RPSA2: variants seen among roughly 807,000 people sequenced by gnomAD.
The protein encoded by RPSA2 is small ribosomal subunit protein uS2B.
chr19:23,838,197 T>G, the RPSA2 span, among the ~76,000 whole-genome samples: 4 of 152,344 alleles, frequency 2.6e-5, no homozygotes, highest in Admixed American at 2.6e-4. Context: ...TCTATTGAGA[T>G]GATCATGTGA....
chr19:23,841,112 T>C, the RPSA2 span, among the ~76,000 whole-genome samples: 1 of 152,166 alleles, frequency 6.6e-6, no homozygotes, highest in Non-Finnish European at 1.5e-5. Flanking sequence ...CATCCTCCAA[T>C]ATGTATCAGC....
At chr19:23,761,768 A>T in the RPSA2 span, among the ~76,000 whole-genome samples, 1 of 151,886 alleles carries the variant, frequency 6.6e-6, no homozygotes, top group African/African-American at 2.4e-5. Context: ...CGTTAGTGAG[A>T]GTAATCCAGT....
chr19:23,806,740 G>C, the RPSA2 span, among the ~76,000 whole-genome samples: 144,687 of 147,828 alleles, frequency 0.98, 70,881 homozygotes, highest in Middle Eastern at 1. Flanking sequence ...AGCCAAGATC[G>C]CACCATTGCA....
chr19:23,856,859 G>A, the RPSA2 span, among the ~76,000 whole-genome samples: 29 of 152,110 alleles, frequency 1.9e-4, no homozygotes, highest in Non-Finnish European at 2.8e-4. Context: ...CAAAGATCAC[G>A]TGCTTCAAAG....
the RPSA2 span, among the ~76,000 whole-genome samples, chr19:23,844,034 C>G: frequency 6.6e-6 from 1 of 152,172 alleles, no homozygotes; most frequent in Non-Finnish European, 1.5e-5. Context: ...GCTGGAATTA[C>G]AGGTGTGAAC....
the RPSA2 span, among the ~76,000 whole-genome samples, chr19:23,771,239 G>A: frequency 1.3e-5 from 2 of 152,172 alleles, no homozygotes; most frequent in African/African-American, 4.8e-5. Context: ...CTCATACCCA[G>A]CTGCAGTCAA....
the RPSA2 span, among the ~76,000 whole-genome samples, chr19:23,861,301 A>C: frequency 6.6e-6 from 1 of 152,220 alleles, no homozygotes; most frequent in Admixed American, 6.5e-5. Context: ...AATCTCTTCA[A>C]AAGTAGGTTT....
At chr19:23,865,175 A>G in the RPSA2 span, among the ~76,000 whole-genome samples, 1 of 152,188 alleles carries the variant, frequency 6.6e-6, no homozygotes, top group African/African-American at 2.4e-5. Context: ...CAGTGGATAT[A>G]AGGTCAGTGC....
At chr19:23,811,288 A>T in the RPSA2 span, among the ~76,000 whole-genome samples, 7 of 152,094 alleles carry the variant, frequency 4.6e-5, no homozygotes, top group Admixed American at 3.3e-4. Flanking sequence ...AATTGTTGGG[A>T]TTACAGGTGT....
At chr19:23,868,043 AT>A in the RPSA2 span, among the ~76,000 whole-genome samples, 5 of 152,138 alleles carry the variant, frequency 3.3e-5, no homozygotes, top group Non-Finnish European at 5.9e-5. Flanking sequence ...AGTTCCCGGA[AT>A]TCACCGATGT....
the RPSA2 span, among the ~76,000 whole-genome samples, chr19:23,801,049 G>A: frequency 9.9e-4 from 151 of 152,290 alleles, no homozygotes; most frequent in African/African-American, 3.2e-3. Flanking sequence ...GCATTGAGTA[G>A]ACATGGAGAC....
the RPSA2 span, chr19:23,826,907 A>T: frequency 6.3e-6 from 3 of 479,874 alleles, no homozygotes; most frequent in Non-Finnish European, 1.1e-5. Flanking sequence ...GGTCTGGTTG[A>T]TCTCGAACTC....
chr19:23,832,694 G>A, the RPSA2 span: 2 of 1,503,418 alleles, frequency 1.3e-6, no homozygotes, highest in African/African-American at 2.8e-5. Flanking sequence ...GGTCATAAGA[G>A]GATGCACACT....
chr19:23,805,637 T>A, the RPSA2 span, among the ~76,000 whole-genome samples: 1 of 152,184 alleles, frequency 6.6e-6, no homozygotes, highest in Non-Finnish European at 1.5e-5. Flanking sequence ...GAAAATGTCA[T>A]CTGAGAAATA....
the RPSA2 span, among the ~76,000 whole-genome samples, chr19:23,847,662 G>A: frequency 9.9e-5 from 15 of 152,178 alleles, no homozygotes; most frequent in African/African-American, 3.6e-4. Context: ...GGGTTTGAGA[G>A]CAGATAACTG....
At chr19:23,840,821 A>C in the RPSA2 span, among the ~76,000 whole-genome samples, 50,709 of 151,578 alleles carry the variant, frequency 0.33, 8,803 homozygotes, top group Non-Finnish European at 0.38. Flanking sequence ...AATTAGCCGG[A>C]CACTGTGGCA....
chr19:23,866,867 G>T, the RPSA2 span, among the ~76,000 whole-genome samples: 1 of 152,122 alleles, frequency 6.6e-6, no homozygotes, highest in African/African-American at 2.4e-5. Flanking sequence ...GAATACATGG[G>T]ACTAATTTTA....
the RPSA2 span, among the ~76,000 whole-genome samples, chr19:23,835,111 T>C: frequency 6.6e-6 from 1 of 152,116 alleles, no homozygotes; most frequent in Non-Finnish European, 1.5e-5. Context: ...ATTAAATTGT[T>C]ATTGACTACA....
chr19:23,796,578 C>A, the RPSA2 span, among the ~76,000 whole-genome samples: 1 of 151,932 alleles, frequency 6.6e-6, no homozygotes, highest in Non-Finnish European at 1.5e-5. Context: ...CTGTCTGGTC[C>A]TTGGCTTTAT....
Sources: gnomAD v4.1 joint callset for allele counts (sites outside exome capture counted in the v4.1 genomes callset) on GRCh38, gnomAD v4.1.1 for gene constraint, MANE v1.5 for transcripts, NCBI Gene and HGNC (gene_info 2026-07-23, HGNC 2026-07-21) for gene names.